The following GALNT10 variants were observed in gnomAD, a reference collection of about 807,000 sequenced individuals.
GALNT10 encodes GalNAc transferase 10.
Under a neutral mutation model 75.0 loss-of-function variants are expected in GALNT10, and 41 were observed. That is an observed-to-expected ratio of 0.55 (90% CI 0.43 to 0.71). The LOEUF (loss-of-function observed/expected upper bound fraction) is 0.71. GALNT10 is among the 30% of genes least tolerant of loss of function. GALNT10 has a pLI of 0.00. For synonymous variants in GALNT10, 302 were observed against 313.0 expected, an observed-to-expected ratio of 0.96 and a Z score of 0.37; for missense variants, 727 against 818.5, an observed-to-expected ratio of 0.89 and a Z score of 1.36.
intron 1 of GALNT10, among the ~76,000 whole-genome samples, chr5:154,220,850 A>G (rs1176751962): frequency 6.6e-6 from 1 of 152,196 alleles, no homozygotes; most frequent in Non-Finnish European, 1.5e-5. Context: ...GTCATTACTC[A>G]GCTCCAGCCA....
intron 3 of GALNT10, among the ~76,000 whole-genome samples, chr5:154,303,299 GA>G (rs1337417902): frequency 3.3e-5 from 5 of 152,178 alleles, no homozygotes; most frequent in Admixed American, 3.3e-4. Context: ...ATAGAGCCCA[GA>G]AGACTTACTG....
chr5:154,384,056 T>G (rs1224937234), intron 6 of GALNT10, among the ~76,000 whole-genome samples: 1 of 152,058 alleles, frequency 6.6e-6, no homozygotes, highest in African/African-American at 2.4e-5. Flanking sequence ...AAAAAGCCCC[T>G]TATAAAACCA....
chr5:154,379,417 T>C (rs1755701821), intron 5 of GALNT10, among the ~76,000 whole-genome samples: 1 of 152,220 alleles, frequency 6.6e-6, no homozygotes, highest in Admixed American at 6.5e-5. Flanking sequence ...AAATGTGCTA[T>C]CACTTGATGA....
intron 3 of GALNT10, among the ~76,000 whole-genome samples, chr5:154,328,877 G>T (rs893676203): frequency 6.6e-5 from 10 of 152,206 alleles, no homozygotes; most frequent in African/African-American, 2.2e-4. Flanking sequence ...GGCAGGGTCT[G>T]TGGGAAGGAC....
intron 1 of GALNT10, among the ~76,000 whole-genome samples, chr5:154,230,373 G>T (rs763695301): frequency 4.6e-5 from 7 of 152,184 alleles, no homozygotes; most frequent in Non-Finnish European, 8.8e-5. Flanking sequence ...TAGTTACGGA[G>T]TGTGGAGATT....
At chr5:154,281,002 G>A (rs1488930026) in intron 1 of GALNT10, among the ~76,000 whole-genome samples, 3 of 152,164 alleles carry the variant, frequency 2.0e-5, no homozygotes, top group Non-Finnish European at 4.4e-5. Flanking sequence ...CTCTCTGTTG[G>A]TCACTGTATC....
intron 1 of GALNT10, among the ~76,000 whole-genome samples, chr5:154,236,802 T>C (rs1753254555): frequency 1.3e-5 from 2 of 152,188 alleles, no homozygotes; most frequent in South Asian, 4.1e-4. Context: ...AGCTGGAAAC[T>C]GAGATCCCCC....
At chr5:154,338,110 C>A in intron 4 of GALNT10, 3 of 1,048,892 alleles carry the variant, frequency 2.9e-6, no homozygotes, top group East Asian at 2.4e-5. Context: ...CAGCAAATAT[C>A]TTTTTCACAG....
intron 1 of GALNT10, among the ~76,000 whole-genome samples, chr5:154,225,183 C>G (rs181182056): frequency 1.5e-3 from 221 of 151,930 alleles, no homozygotes; most frequent in African/African-American, 5.0e-3. Context: ...AGCTCCGCCT[C>G]TTGGGTTCAC....
chr5:154,317,445 G>T (rs1754610721), intron 3 of GALNT10, among the ~76,000 whole-genome samples: 1 of 152,148 alleles, frequency 6.6e-6, no homozygotes, highest in Admixed American at 6.5e-5. Context: ...GAATCCTTTA[G>T]GGAGTGTTAA....
In GALNT10 at chr5:154,260,222, C is replaced by G. The variant is rs186571618; in HGVS notation, c.160-34594C>G. 2.8e-3 allele frequency among the ~76,000 whole-genome samples: 433 copies of G among 152,278 alleles called. 1 individual carries two copies. The highest frequency in any genetic ancestry group is 9.8e-3 in the African/African-American group (408 of 41,554). On this transcript the variant is annotated intron_variant, in intron 1 of 11. Coordinates refer to ENST00000297107, the MANE Select transcript of GALNT10 (RefSeq NM_198321.4). ...GAGAGACAGTTCTAACCACCTCCCC[C>G]CAACCCTCCCAAAAAAACCCACCCT... is the stretch of plus-strand genomic sequence containing the variant.
chr5:154,373,678 G>A (rs781629521), intron 4 of GALNT10, among the ~76,000 whole-genome samples: 3 of 152,142 alleles, frequency 2.0e-5, no homozygotes, highest in African/African-American at 4.8e-5. Context: ...AAAACTCTAT[G>A]CCTTTATGAA....
intron 1 of GALNT10, among the ~76,000 whole-genome samples, chr5:154,280,981 C>T (rs1754031367): frequency 6.6e-6 from 1 of 152,194 alleles, no homozygotes; most frequent in Admixed American, 6.5e-5. Flanking sequence ...TCTGTCCTTA[C>T]CTTAGGGCCA....
chr5:154,226,024 C>T (rs550634741), intron 1 of GALNT10, among the ~76,000 whole-genome samples: 2 of 151,864 alleles, frequency 1.3e-5, no homozygotes, highest in Admixed American at 1.3e-4. Context: ...AGGAGATATA[C>T]CTAATGTTAA....
rs1024085511 is a variant in GALNT10, at chr5:154,247,305, G to T, written c.160-47511G>T. Among the ~76,000 whole-genome samples the T allele has an allele frequency of 1.4e-4, 22 of 152,038 alleles. No individual in the cohort carries two copies. The East Asian group carries it at 2.5e-3, about 17-fold the overall frequency. ...CTTGGCAATGCGGGCTCTTTTTTGG[G>T]TCCATATGAACTTTAAAGTAGTTTT... On this transcript the variant is annotated intron_variant, in intron 1 of 11. Transcript: ENST00000297107.
At chr5:154,276,536 G>A (rs1374222540) in intron 1 of GALNT10, among the ~76,000 whole-genome samples, 1 of 152,098 alleles carries the variant, frequency 6.6e-6, no homozygotes, top group Admixed American at 6.5e-5. Flanking sequence ...ATATTCACAG[G>A]TTCCATCTCC....
chr5:154,363,193 G>A (rs1386632786), intron 4 of GALNT10, among the ~76,000 whole-genome samples: 1 of 152,160 alleles, frequency 6.6e-6, no homozygotes, highest in Non-Finnish European at 1.5e-5. Flanking sequence ...GGGATATTGG[G>A]TGAGAAATAG....
chr5:154,393,325 C>T (rs992124295), intron 7 of GALNT10, among the ~76,000 whole-genome samples: 4 of 152,218 alleles, frequency 2.6e-5, no homozygotes, highest in East Asian at 1.9e-4. Context: ...CTTCCTGCCT[C>T]GGGCTCCCAA....
At chr5:154,379,348 A>G (rs1190909587) in intron 5 of GALNT10, among the ~76,000 whole-genome samples, 1 of 152,202 alleles carries the variant, frequency 6.6e-6, no homozygotes, top group Non-Finnish European at 1.5e-5. Context: ...GACCCCACCT[A>G]TGGACCGTGC....
Sources: allele counts gnomAD v4.1 joint callset (sites outside exome capture counted in the v4.1 genomes callset), GRCh38; gene constraint gnomAD v4.1.1; transcripts MANE v1.5; gene names NCBI Gene and HGNC (gene_info 2026-07-23, HGNC 2026-07-21).